The following PRDM16 variants were observed in gnomAD, a reference collection of about 807,000 sequenced individuals.
The protein encoded by PRDM16 is histone-lysine N-methyltransferase PRDM16.
A neutral mutation model predicts 110.6 loss-of-function variants in PRDM16; 23 were observed. The ratio of observed to expected loss-of-function variants is 0.21; its 90% confidence interval spans 0.15 to 0.29. PRDM16 has a LOEUF of 0.29. Among genes scored for constraint, PRDM16 ranks in the 10% least tolerant of loss-of-function variants. The probability of loss-of-function intolerance (pLI) is 1.00; values close to 1 mark genes in which losing one functional copy is unlikely to be tolerated. For synonymous variants in PRDM16, 799 were observed against 781.8 expected (o/e 1.02, Z -0.37); for missense variants, 1,615 against 1,794.3 (o/e 0.90, Z 1.81).
intron 8 of PRDM16, among the ~76,000 whole-genome samples, chr1:3,409,834 G>GGTGTGTGGTGTGTGTGTGTGCGT (rs150742635): frequency 2.4e-4 from 30 of 125,776 alleles, no homozygotes; most frequent in African/African-American, 6.6e-4. Context: ...GTTGTGTGTG[G>GGTGTGTGGTGTGTGTGTGTGCGT]GTGTGTGGTG....
At chr1:3,274,254 T>G (rs1640532325) in intron 3 of PRDM16, among the ~76,000 whole-genome samples, 1 of 152,180 alleles carries the variant, frequency 6.6e-6, no homozygotes, top group Admixed American at 6.5e-5. Context: ...CTAAATGAAT[T>G]AGCAATAAAA....
Position 3,430,474 on chromosome 1 carries a change from C to T in PRDM16, c.3285-398C>T, listed in dbSNP as rs116701697. On this transcript the variant is annotated intron_variant, in intron 14 of 16. Coordinates refer to ENST00000270722, the MANE Select transcript of PRDM16 (RefSeq NM_022114.4). ...GTCCTCGAGTTGTCAGCCTGAATTC[C>T]TTCCCCCTGAAGTCTGCCCTGAGGG... Among the ~76,000 whole-genome samples, 772 of 152,346 alleles carry T rather than the reference C, an allele frequency of 5.1e-3. 8 individuals are homozygous for T. Among genetic ancestry groups the T allele is most frequent in the African/African-American group, 0.018 (740 of 41,578 alleles).
intron 1 of PRDM16, among the ~76,000 whole-genome samples, chr1:3,178,917 G>A (rs1436525405): frequency 6.6e-6 from 1 of 152,276 alleles, no homozygotes; most frequent in African/African-American, 2.4e-5. Context: ...ACCCACAGCC[G>A]GGTCCACCCA....
intron 1 of PRDM16, among the ~76,000 whole-genome samples, chr1:3,181,649 T>C (rs1644195412): frequency 8.7e-6 from 1 of 114,618 alleles, no homozygotes; most frequent in South Asian, 3.1e-4. Context: ...CACACGGTCT[T>C]ACACACGGTC....
intron 3 of PRDM16, among the ~76,000 whole-genome samples, chr1:3,302,692 G>C (rs544284092): frequency 2.6e-5 from 4 of 152,284 alleles, no homozygotes; most frequent in Admixed American, 6.5e-5. Flanking sequence ...CAACACTTTA[G>C]CACTGTGCGT....
intron 2 of PRDM16, among the ~76,000 whole-genome samples, chr1:3,203,925 G>A (rs1177023306): frequency 1.2e-4 from 18 of 152,076 alleles, no homozygotes; most frequent in Admixed American, 1.1e-3. Context: ...GACAGAAGGC[G>A]GTGCCCCAGT....
At chr1:3,258,568 C>T (rs961465319) in intron 3 of PRDM16, among the ~76,000 whole-genome samples, 5 of 152,170 alleles carry the variant, frequency 3.3e-5, no homozygotes, top group African/African-American at 7.2e-5. Flanking sequence ...AAAAGCAAGA[C>T]GTATTATTTT....
chr1:3,119,872 G>A (rs1174937434), intron 1 of PRDM16, among the ~76,000 whole-genome samples: 3 of 152,196 alleles, frequency 2.0e-5, no homozygotes, highest in East Asian at 1.9e-4. Context: ...AGTGTGCGGG[G>A]GAGAGGGAAG....
intron 2 of PRDM16, among the ~76,000 whole-genome samples, chr1:3,197,733 C>T (rs925935394): frequency 2.6e-5 from 4 of 152,182 alleles, no homozygotes; most frequent in African/African-American, 4.8e-5. Context: ...TGTGGCCTGG[C>T]GGCTCCCTGG....
rs184984452 is a variant in PRDM16 at position 3,233,123 on chromosome 1, A to G, written c.388-10964A>G. On this transcript the variant is annotated intron_variant, in intron 2 of 16. Coordinates refer to ENST00000270722, the MANE Select transcript of PRDM16 (RefSeq NM_022114.4). ...CCGTGGAAAGCGAAGCTCCCTGGGG[A>G]GATGCTGGTGCAGAGCCCACCGGGC... Among the ~76,000 whole-genome samples, 973 of 152,242 alleles carry G rather than the reference A, an allele frequency of 6.4e-3. 10 individuals are homozygous for G. Among genetic ancestry groups the G allele is most frequent in the African/African-American group, 0.022 (916 of 41,548 alleles).
At chr1:3,085,808 G>C (rs950086200) in intron 1 of PRDM16, among the ~76,000 whole-genome samples, 1 of 152,232 alleles carries the variant, frequency 6.6e-6, no homozygotes, top group African/African-American at 2.4e-5. Flanking sequence ...CCTCAGCCAG[G>C]ACTGCCTCCT....
chr1:3,236,681 T>G (rs1395612049), intron 2 of PRDM16, among the ~76,000 whole-genome samples: 1 of 152,178 alleles, frequency 6.6e-6, no homozygotes, highest in Non-Finnish European at 1.5e-5. Context: ...CTACTCAGGG[T>G]CCACTCACCT....
intron 3 of PRDM16, among the ~76,000 whole-genome samples, chr1:3,269,023 G>T (rs1273856243): frequency 1.3e-5 from 2 of 152,246 alleles, no homozygotes; most frequent in African/African-American, 2.4e-5. Flanking sequence ...CACTGCAGAG[G>T]CAGTGAGTCT....
chr1:3,237,365 C>T (rs1263364375), intron 2 of PRDM16, among the ~76,000 whole-genome samples: 1 of 152,098 alleles, frequency 6.6e-6, no homozygotes, highest in East Asian at 1.9e-4. Context: ...GGCTCCCCAC[C>T]CCCACTTCGG....
At chr1:3,424,733 G>A (rs1638541165) in intron 12 of PRDM16, among the ~76,000 whole-genome samples, 1 of 152,380 alleles carries the variant, frequency 6.6e-6, no homozygotes, top group African/African-American at 2.4e-5. Context: ...CTCCAAGTGA[G>A]GTGGGGCCTG....
intron 8 of PRDM16, among the ~76,000 whole-genome samples, chr1:3,406,897 C>T (rs185858793): frequency 1.2e-4 from 18 of 152,338 alleles, no homozygotes; most frequent in Middle Eastern, 3.4e-3. Context: ...TCATCGCTTC[C>T]CAAGCATTCT....
chr1:3,321,659 A>G (rs1641752274), intron 3 of PRDM16, among the ~76,000 whole-genome samples: 1 of 144,616 alleles, frequency 6.9e-6, no homozygotes, highest in Admixed American at 6.8e-5. Flanking sequence ...GATGTGCCCA[A>G]TGTGTGGGTG....
At chr1:3,183,811 T>C (rs999011838) in intron 1 of PRDM16, among the ~76,000 whole-genome samples, 1 of 152,200 alleles carries the variant, frequency 6.6e-6, no homozygotes, top group African/African-American at 2.4e-5. Flanking sequence ...GCTGCCCCAC[T>C]TCGGGCTCCA....
intron 1 of PRDM16, among the ~76,000 whole-genome samples, chr1:3,070,043 G>A (rs1286363591): frequency 6.6e-6 from 1 of 151,994 alleles, no homozygotes; most frequent in South Asian, 2.1e-4. Context: ...CAGCCTGCGC[G>A]GGCCGCCGGG....
Sources: allele counts gnomAD v4.1 joint callset (sites outside exome capture counted in the v4.1 genomes callset), GRCh38; gene constraint gnomAD v4.1.1; transcripts MANE v1.5; gene names NCBI Gene and HGNC (gene_info 2026-07-23, HGNC 2026-07-21).